CAMTA1: variants seen among roughly 807,000 people sequenced by gnomAD.
The protein encoded by CAMTA1 is calmodulin binding transcription activator 1.
CAMTA1 carries 27 observed loss-of-function variants against 170.9 expected under a neutral mutation model. That is an observed-to-expected ratio of 0.16 (90% CI 0.12 to 0.22). The LOEUF is 0.22. Among genes scored for constraint, CAMTA1 ranks in the 10% least tolerant of loss-of-function variants. The pLI, the probability that CAMTA1 is intolerant of heterozygous loss-of-function variation, is 1.00. For missense variants in CAMTA1, 1,619 were observed against 2,217.2 expected, an observed-to-expected ratio of 0.73 and a Z score of 5.42; for synonymous variants, 833 against 891.5, an observed-to-expected ratio of 0.93 and a Z score of 1.17.
chr1:6,976,925 T>C (rs1693534072), intron 3 of CAMTA1, among the ~76,000 whole-genome samples: 1 of 152,182 alleles, frequency 6.6e-6, no homozygotes, highest in African/African-American at 2.4e-5. Context: ...CTGATGGTTT[T>C]ATAAAGGGCA....
intron 3 of CAMTA1, among the ~76,000 whole-genome samples, chr1:6,930,861 G>A (rs1684278108): frequency 6.6e-6 from 1 of 152,234 alleles, no homozygotes; most frequent in Non-Finnish European, 1.5e-5. Context: ...CACCAGGCGT[G>A]GGAAGGAGCA....
At chr1:7,241,147 A>T (rs1664794608) in intron 4 of CAMTA1, among the ~76,000 whole-genome samples, 1 of 152,264 alleles carries the variant, frequency 6.6e-6, no homozygotes, top group Non-Finnish European at 1.5e-5. Flanking sequence ...TATATAGTAC[A>T]AATGAACAAT....
rs562296017 is a variant in CAMTA1 at position 7,559,409 on chromosome 1, A to G, written c.511-80991A>G. On this transcript the variant is annotated intron_variant, in intron 6 of 22. Transcript: ENST00000303635. Reference sequence around the variant, plus strand: ...TGCCCTCCCTGCCACCTTCCCCTCCAGGCTGTCTCAGCCAGGGGCTGCTTG... The same window carrying G: ...TGCCCTCCCTGCCACCTTCCCCTCCGGGCTGTCTCAGCCAGGGGCTGCTTG... Among the ~76,000 whole-genome samples, 10 of 152,248 alleles carry G rather than the reference A, an allele frequency of 6.6e-5. No individual in the cohort carries two copies. In the South Asian group the frequency reaches 2.1e-3, roughly 32 times the overall value.
intron 5 of CAMTA1, among the ~76,000 whole-genome samples, chr1:7,323,888 T>C (rs565708377): frequency 6.6e-5 from 10 of 152,356 alleles, no homozygotes; most frequent in African/African-American, 2.4e-4. Flanking sequence ...TCGTGCTTTG[T>C]GAAATATAGT....
At chr1:7,437,527 C>A (rs1012175558) in intron 5 of CAMTA1, among the ~76,000 whole-genome samples, 4 of 152,220 alleles carry the variant, frequency 2.6e-5, no homozygotes, top group Admixed American at 1.3e-4. Context: ...TCAGGGCCCA[C>A]CGACTCATCT....
intron 6 of CAMTA1, among the ~76,000 whole-genome samples, chr1:7,603,287 A>G (rs1436904247): frequency 6.6e-6 from 1 of 152,210 alleles, no homozygotes; most frequent in Non-Finnish European, 1.5e-5. Context: ...GTGGGGTGTT[A>G]AAGTCTCCCA....
intron 4 of CAMTA1, among the ~76,000 whole-genome samples, chr1:7,172,495 A>G (rs2148831400): frequency 6.7e-6 from 1 of 149,018 alleles, no homozygotes; most frequent in South Asian, 2.1e-4. Context: ...AGGTGAAGGT[A>G]TGCGGAGCAT....
intron 5 of CAMTA1, among the ~76,000 whole-genome samples, chr1:7,346,553 C>G (rs1229332503): frequency 1.3e-5 from 2 of 152,212 alleles, no homozygotes; most frequent in African/African-American, 4.8e-5. Flanking sequence ...GCCCATAAGA[C>G]TTCCCCCCTT....
intron 21 of CAMTA1, among the ~76,000 whole-genome samples, chr1:7,752,950 C>G (rs114980630): frequency 0.011 from 1,734 of 152,292 alleles, 39 homozygotes; most frequent in African/African-American, 0.039. Flanking sequence ...AAGAAAACCA[C>G]GAATTCCAAA....
chr1:7,405,946 G>A lies in CAMTA1; in HGVS notation c.439-61884G>A, dbSNP rs551314935. On this transcript the variant is annotated intron_variant, in intron 5 of 22. Coordinates refer to ENST00000303635, the MANE Select transcript of CAMTA1 (RefSeq NM_015215.4). ...CTGCCCTGCTGTTGGGGATTTGGGGGATTTTGCTGTTGTGAGGGTGAGCCC... is the reference window on the plus strand; with the variant it reads ...CTGCCCTGCTGTTGGGGATTTGGGGAATTTTGCTGTTGTGAGGGTGAGCCC... 1.2e-3 allele frequency among the ~76,000 whole-genome samples: 186 copies of A among 152,330 alleles called. 1 individual carries two copies. The highest frequency in any genetic ancestry group is 4.3e-3 in the African/African-American group (180 of 41,568).
chr1:7,395,347 T>TCAACA (rs1575100137), intron 5 of CAMTA1, among the ~76,000 whole-genome samples: 1 of 152,202 alleles, frequency 6.6e-6, no homozygotes, highest in East Asian at 1.9e-4. Context: ...CAGTGTGTAT[T>TCAACA]ATTGTTGCCT....
intron 6 of CAMTA1, among the ~76,000 whole-genome samples, chr1:7,503,708 C>T (rs1167316418): frequency 6.6e-6 from 1 of 152,242 alleles, no homozygotes; most frequent in Non-Finnish European, 1.5e-5. Context: ...CCGTCAGGTT[C>T]AGCTCAGCTC....
At chr1:7,128,177 G>A (rs1283400101) in intron 4 of CAMTA1, among the ~76,000 whole-genome samples, 1 of 152,102 alleles carries the variant, frequency 6.6e-6, no homozygotes, top group Non-Finnish European at 1.5e-5. Flanking sequence ...GACTCCCCTG[G>A]GAGAGTAGCC....
At chr1:7,457,810 C>T (rs2092994725) in intron 5 of CAMTA1, among the ~76,000 whole-genome samples, 1 of 152,182 alleles carries the variant, frequency 6.6e-6, no homozygotes, top group African/African-American at 2.4e-5. Flanking sequence ...ACCTGTCCTC[C>T]CTCCTGAGCA....
intron 6 of CAMTA1, among the ~76,000 whole-genome samples, chr1:7,510,454 C>T (rs2094188897): frequency 6.9e-6 from 1 of 145,856 alleles, no homozygotes; most frequent in African/African-American, 2.5e-5. Flanking sequence ...GTAGTGCCAC[C>T]TTCCCACTTG....
At chr1:6,892,363 T>C (rs566886521) in intron 3 of CAMTA1, among the ~76,000 whole-genome samples, 1 of 152,336 alleles carries the variant, frequency 6.6e-6, no homozygotes, top group South Asian at 2.1e-4. Flanking sequence ...TCTGAGAGGC[T>C]ACATCTTGTT....
Position 6,888,221 on chromosome 1 carries a change from G to T in CAMTA1, c.234+63011G>T, listed in dbSNP as rs1442669309. 5.1e-6 allele frequency: 5 copies of T among 985,708 alleles called. No individual in the cohort carries two copies. The East Asian group carries it at 5.7e-4, about 112-fold the overall frequency. 61.1% of individuals were successfully genotyped at this position (985,708 alleles called of 1,614,324 possible). On this transcript the variant is annotated intron_variant, in intron 3 of 22. Coordinates refer to ENST00000303635, the MANE Select transcript of CAMTA1 (RefSeq NM_015215.4). The stretch of plus-strand genomic sequence containing the variant: ...AACGAATGTGTGGGTCACTTGCGTC[G>T]CATCCTTTCTGAATGTTTTTCCTTT...
intron 4 of CAMTA1, among the ~76,000 whole-genome samples, chr1:7,185,984 A>G (rs1202071214): frequency 6.6e-6 from 1 of 152,154 alleles, no homozygotes; most frequent in African/African-American, 2.4e-5. Context: ...CGCTTGGTGA[A>G]ATTTGAAGGT....
chr1:7,070,871 G>A (rs1024805914), intron 3 of CAMTA1, among the ~76,000 whole-genome samples: 17 of 152,254 alleles, frequency 1.1e-4, no homozygotes, highest in Non-Finnish European at 2.4e-4. Flanking sequence ...TGGTGCAGGG[G>A]ACTGGAAAGC....
Sources: gnomAD v4.1 joint callset for allele counts (sites outside exome capture counted in the v4.1 genomes callset) on GRCh38, gnomAD v4.1.1 for gene constraint, MANE v1.5 for transcripts, NCBI Gene and HGNC (gene_info 2026-07-23, HGNC 2026-07-21) for gene names.